The following TOX variants were observed in gnomAD, a reference collection of about 807,000 sequenced individuals.
TOX encodes thymocyte selection-associated high mobility group box protein TOX.
In TOX, 11 loss-of-function variants were observed where a neutral mutation model predicts 53.7. That is an observed-to-expected ratio of 0.20 (90% CI 0.13 to 0.34). The LOEUF (loss-of-function observed/expected upper bound fraction) is 0.34. TOX is among the 10% of genes least tolerant of loss of function. The pLI is 1.00. For missense variants in TOX, 570 were observed against 664.6 expected, an observed-to-expected ratio of 0.86 and a Z score of 1.56; for synonymous variants, 225 against 245.3, an observed-to-expected ratio of 0.92 and a Z score of 0.77.
chr8:58,907,089 G>T (rs1196413705), intron 3 of TOX, among the ~76,000 whole-genome samples: 2 of 152,164 alleles, frequency 1.3e-5, no homozygotes, highest in Non-Finnish European at 2.9e-5. Flanking sequence ...AAGATCAGTC[G>T]ATTGATTTCT....
intron 1 of TOX, among the ~76,000 whole-genome samples, chr8:59,056,128 C>A (rs1390678910): frequency 6.6e-6 from 1 of 151,622 alleles, no homozygotes; most frequent in Non-Finnish European, 1.5e-5. Flanking sequence ...ACCAAGGACC[C>A]CAAGAATCAT....
At chr8:58,857,485 A>G (rs184429353) in intron 3 of TOX, among the ~76,000 whole-genome samples, 260 of 152,324 alleles carry the variant, frequency 1.7e-3, no homozygotes, top group Admixed American at 3.9e-3. Flanking sequence ...GACCATTGTC[A>G]ATTAAAATAA....
At chr8:58,984,951 G>T (rs1262037763) in intron 1 of TOX, among the ~76,000 whole-genome samples, 1 of 151,332 alleles carries the variant, frequency 6.6e-6, no homozygotes, top group Non-Finnish European at 1.5e-5. Context: ...ATATGACCTA[G>T]TAATTTAACC....
At chr8:58,883,399 C>T (rs1234475464) in intron 3 of TOX, among the ~76,000 whole-genome samples, 1 of 152,160 alleles carries the variant, frequency 6.6e-6, no homozygotes, top group African/African-American at 2.4e-5. Flanking sequence ...CCTACTAAAA[C>T]CTTAGAAAAT....
chr8:58,819,532 T>C (rs1261168940), intron 6 of TOX, among the ~76,000 whole-genome samples: 2 of 152,226 alleles, frequency 1.3e-5, no homozygotes, highest in African/African-American at 4.8e-5. Context: ...CATAGAGACA[T>C]TTTGAGTATT....
intron 1 of TOX, among the ~76,000 whole-genome samples, chr8:58,999,204 GA>G (rs1813643230): frequency 6.6e-6 from 1 of 151,932 alleles, no homozygotes; most frequent in Non-Finnish European, 1.5e-5. Context: ...ATATGATTGA[GA>G]AATAATTGAC....
At chr8:58,824,284 G>A (rs534483517) in intron 6 of TOX, among the ~76,000 whole-genome samples, 7 of 152,298 alleles carry the variant, frequency 4.6e-5, no homozygotes, top group East Asian at 1.9e-4. Context: ...ACTTATGCAC[G>A]TAAGATGATC....
intron 1 of TOX, among the ~76,000 whole-genome samples, chr8:59,099,540 T>C (rs949442271): frequency 1.3e-5 from 2 of 152,212 alleles, no homozygotes; most frequent in Non-Finnish European, 2.9e-5. Context: ...CAATCAATTA[T>C]CTGGAAATTT....
rs79423777 is a variant in TOX at position 58,837,482 on chromosome 8, T to A, written c.924+599A>T. 5.3e-3 allele frequency among the ~76,000 whole-genome samples: 802 copies of A among 152,268 alleles called. 7 individuals carry two copies. Among genetic ancestry groups the A allele is most frequent in the Non-Finnish European group, 7.2e-3 (489 of 68,024 alleles). On this transcript the variant is annotated intron_variant, in intron 5 of 8. Coordinates refer to ENST00000361421, the MANE Select transcript of TOX (RefSeq NM_014729.3). ...AGCTATTTATGCTGTGTCCGTGGTA[T>A]CTCACGTGGCCTTCCCTGAGCATGG... is the stretch of plus-strand genomic sequence containing the variant.
chr8:58,885,241 G>A (rs1811446501), intron 3 of TOX, among the ~76,000 whole-genome samples: 1 of 152,006 alleles, frequency 6.6e-6, no homozygotes, highest in Non-Finnish European at 1.5e-5. Flanking sequence ...TACGACAAAA[G>A]CAGTAATCTC....
chr8:58,807,814 TTACAGGACAACCTGTGC>T, intron 8 of TOX, 31 bp from the exon 9 acceptor site: 1 of 1,613,772 alleles, frequency 6.2e-7, no homozygotes, highest in Non-Finnish European at 8.5e-7. Flanking sequence ...CAGTTCCTTG[TTACAGGACAACCTGTGC>T]TACAGGTGAC....
intron 1 of TOX, among the ~76,000 whole-genome samples, chr8:58,976,953 T>A (rs990835090): frequency 5.3e-5 from 8 of 152,210 alleles, no homozygotes; most frequent in Non-Finnish European, 1.2e-4. Context: ...TCTTAAAGGC[T>A]CTAGATTTTC....
intron 1 of TOX, among the ~76,000 whole-genome samples, chr8:59,105,000 C>T (rs1470741702): frequency 6.6e-6 from 1 of 152,144 alleles, no homozygotes; most frequent in African/African-American, 2.4e-5. Flanking sequence ...CTCCCTGACC[C>T]CCTTAACACT....
intron 1 of TOX, among the ~76,000 whole-genome samples, chr8:58,971,961 G>A (rs1430070260): frequency 2.6e-5 from 4 of 152,154 alleles, no homozygotes; most frequent in African/African-American, 9.7e-5. Context: ...AAAGTGCTGG[G>A]ATTACAGGCG....
Position 59,051,899 on chromosome 8 carries a change from T to C in TOX, c.102+66987A>G, listed in dbSNP as rs1249089680. 1.1e-4 allele frequency among the ~76,000 whole-genome samples: 16 copies of C among 152,302 alleles called. No individual in the cohort carries two copies. In the South Asian group the frequency reaches 3.3e-3, roughly 32 times the overall value. On this transcript the variant is annotated intron_variant, in intron 1 of 8. Coordinates refer to ENST00000361421, the MANE Select transcript of TOX (RefSeq NM_014729.3). ...TTATCAGCTCTATTTAGTGAGTCAA[T>C]ATAATGAGCACATCTGAATGATCCT...
intron 3 of TOX, among the ~76,000 whole-genome samples, chr8:58,867,509 C>G (rs1443602090): frequency 6.6e-6 from 1 of 152,190 alleles, no homozygotes; most frequent in South Asian, 2.1e-4. Flanking sequence ...CCGGACAAGC[C>G]TATTAAACGT....
intron 1 of TOX, among the ~76,000 whole-genome samples, chr8:58,997,731 C>T (rs1394391302): frequency 1.3e-5 from 2 of 152,010 alleles, no homozygotes; most frequent in East Asian, 1.9e-4. Context: ...ATAAAGAATA[C>T]ATTTAAATTT....
At chr8:58,813,139 A>G (rs1810112198) in intron 7 of TOX, among the ~76,000 whole-genome samples, 1 of 152,132 alleles carries the variant, frequency 6.6e-6, no homozygotes, top group Non-Finnish European at 1.5e-5. Flanking sequence ...AATCTGTTCT[A>G]TTTTTTCTTA....
At chr8:59,097,140 T>A (rs1203674592) in intron 1 of TOX, among the ~76,000 whole-genome samples, 3 of 152,184 alleles carry the variant, frequency 2.0e-5, no homozygotes, top group Non-Finnish European at 4.4e-5. Flanking sequence ...AGGTCAGATA[T>A]CCCTGAAGTG....
Sources: gnomAD v4.1 joint callset for allele counts (sites outside exome capture counted in the v4.1 genomes callset) on GRCh38, gnomAD v4.1.1 for gene constraint, MANE v1.5 for transcripts, NCBI Gene and HGNC (gene_info 2026-07-23, HGNC 2026-07-21) for gene names.